Variants in NOX3 observed in about 807,000 individuals in gnomAD.
NOX3 encodes the protein NADPH oxidase 3.
Under a neutral mutation model 76.7 loss-of-function variants are expected in NOX3, and 74 were observed. That is an observed-to-expected ratio of 0.96 (90% CI 0.80 to 1.17). The LOEUF is 1.17. NOX3 is among the 50% of genes most tolerant of loss of function. NOX3 has a pLI of 0.00. For synonymous variants in NOX3, 263 were observed against 261.1 expected, an observed-to-expected ratio of 1.01 and a Z score of -0.07; for missense variants, 695 against 703.3, an observed-to-expected ratio of 0.99 and a Z score of 0.13.
intron 3 of NOX3, 59 bp from the exon 4 acceptor site, chr6:155,453,547 T>A: frequency 1.5e-6 from 2 of 1,330,316 alleles, no homozygotes; most frequent in Non-Finnish European, 2.2e-6. Context: ...AACAATCTCA[T>A]GAAAGTTAAG....
At chr6:155,397,716 T>C (rs1779158011) in intron 12 of NOX3, among the ~76,000 whole-genome samples, 1 of 152,242 alleles carries the variant, frequency 6.6e-6, no homozygotes, top group Non-Finnish European at 1.5e-5. Context: ...TAGTTATCAC[T>C]AATATCCTGT....
chr6:155,397,672 TGA>T (rs1169706771), intron 12 of NOX3, among the ~76,000 whole-genome samples: 45 of 152,220 alleles, frequency 3.0e-4, no homozygotes, highest in Admixed American at 2.9e-3. Flanking sequence ...AAAAGCAAGA[TGA>T]GATAATACAT....
Position 155,455,145 on chromosome 6 carries a change from A to G in NOX3, c.49-16T>C. 6.5e-7 allele frequency: 1 copy of G among 1,538,642 alleles called. No individual in the cohort carries two copies. Among genetic ancestry groups the G allele is most frequent in the South Asian group, 1.1e-5 (1 of 87,164 alleles). On this transcript the variant is annotated splice_polypyrimidine_tract_variant and intron_variant, in intron 1 of 13. Transcript: ENST00000159060. ...GCCATGAGAGCTAGAGTAGAAAGGA[A>G]AGAGAACCAATGATTACTACCTTCA...
chr6:155,404,702 G>A (rs781338107), intron 12 of NOX3, among the ~76,000 whole-genome samples: 154 of 152,256 alleles, frequency 1.0e-3, no homozygotes, highest in Non-Finnish European at 1.8e-3. Context: ...ATCCCCACAA[G>A]CATGCCTTCA....
intron 10 of NOX3, among the ~76,000 whole-genome samples, chr6:155,417,737 C>G (rs188818144): frequency 9.9e-5 from 15 of 152,266 alleles, no homozygotes; most frequent in Admixed American, 2.6e-4. Context: ...TTTTCATTCA[C>G]TAGAAAAGAG....
At chr6:155,428,587 T>C (rs12210015) in intron 9 of NOX3, among the ~76,000 whole-genome samples, 1 of 58,178 alleles carries the variant, frequency 1.7e-5, no homozygotes, top group South Asian at 6.7e-4. Context: ...TCTTTTTTTC[T>C]TTTTTTTTTT....
intron 5 of NOX3, among the ~76,000 whole-genome samples, chr6:155,442,320 T>C (rs1777004497): frequency 6.6e-6 from 1 of 152,164 alleles, no homozygotes; most frequent in African/African-American, 2.4e-5. Flanking sequence ...CAACTAAACC[T>C]GATCAATGGC....
intron 7 of NOX3, among the ~76,000 whole-genome samples, chr6:155,434,118 A>G (rs1051285096): frequency 6.6e-6 from 1 of 152,130 alleles, no homozygotes; most frequent in Admixed American, 6.5e-5. Flanking sequence ...TTTTCTAGAC[A>G]ATCAGATCTC....
chr6:155,413,391 G>T (rs376934500), intron 10 of NOX3, among the ~76,000 whole-genome samples: 4 of 151,892 alleles, frequency 2.6e-5, no homozygotes. Flanking sequence ...CTTTGGGGCC[G>T]TTGTAGACTT....
At chr6:155,444,482 A>C (rs575580245) in intron 4 of NOX3, among the ~76,000 whole-genome samples, 1 of 152,318 alleles carries the variant, frequency 6.6e-6, no homozygotes, top group African/African-American at 2.4e-5. Flanking sequence ...ATTCGGCTAC[A>C]CCAAAGGGAA....
intron 10 of NOX3, among the ~76,000 whole-genome samples, chr6:155,422,278 T>C (rs1047543481): frequency 6.6e-6 from 1 of 152,248 alleles, no homozygotes. Context: ...TAAATCCCAA[T>C]TGTGGCTTCT....
intron 6 of NOX3, among the ~76,000 whole-genome samples, chr6:155,438,343 C>T (rs974160802): frequency 5.9e-5 from 9 of 152,178 alleles, no homozygotes; most frequent in African/African-American, 2.2e-4. Context: ...GAGCCAATCC[C>T]AGAGACCTCT....
chr6:155,424,146 G>T (rs572166088), intron 9 of NOX3, among the ~76,000 whole-genome samples: 1 of 152,240 alleles, frequency 6.6e-6, no homozygotes, highest in African/African-American at 2.4e-5. Context: ...GAACCCCTCA[G>T]ATTAGGTTAA....
At chr6:155,396,371 TG>T (rs780996926) in intron 13 of NOX3, among the ~76,000 whole-genome samples, 2 of 152,088 alleles carry the variant, frequency 1.3e-5, no homozygotes, top group Non-Finnish European at 2.9e-5. Context: ...AAATTTGAAA[TG>T]ATTTCTAAAG....
chr6:155,452,311 C>T (rs571454299), intron 4 of NOX3, among the ~76,000 whole-genome samples: 2 of 152,264 alleles, frequency 1.3e-5, no homozygotes, highest in South Asian at 2.1e-4. Context: ...CATTCATGAA[C>T]GGTTATTGGT....
chr6:155,423,103 C>T (rs1263812284), intron 9 of NOX3, among the ~76,000 whole-genome samples: 4 of 152,328 alleles, frequency 2.6e-5, no homozygotes, highest in East Asian at 1.9e-4. Context: ...AGCCTGACAT[C>T]TCTCGCTATA....
Position 155,428,959 on chromosome 6 carries a change from C to T in NOX3, c.980G>A (p.Cys327Tyr). ...MAPGQYILVQ[C>Y]PAISSLEWHP... The stretch of plus-strand genomic sequence containing the variant: ...CCACTCCAGCGAAGATATGGCTGGG[C>T]ACTGCACCAAGATGTACTGCCCTGG... Residue 327 changes from cysteine to tyrosine, a missense_variant, in exon 9 of 14, where the codon TGC (cysteine) becomes TAC (tyrosine). Transcript: ENST00000159060. The T allele has an allele frequency of 6.2e-7, 1 of 1,613,682 alleles. No individual in the cohort carries two copies.
intron 7 of NOX3, among the ~76,000 whole-genome samples, chr6:155,435,889 C>A (rs531511277): frequency 6.6e-6 from 1 of 152,226 alleles, no homozygotes; most frequent in Non-Finnish European, 1.5e-5. Context: ...CTAACATCAT[C>A]ATTATTTCAG....
intron 4 of NOX3, among the ~76,000 whole-genome samples, chr6:155,446,200 C>T (rs1562472291): frequency 6.6e-6 from 1 of 151,788 alleles, no homozygotes; most frequent in South Asian, 2.1e-4. Context: ...AAATATACAG[C>T]CATGTCTATG....
Sources: allele counts gnomAD v4.1 joint callset (sites outside exome capture counted in the v4.1 genomes callset), GRCh38; gene constraint gnomAD v4.1.1; transcripts MANE v1.5; gene names NCBI Gene and HGNC (gene_info 2026-07-23, HGNC 2026-07-21).